The following TMEM50B variants were observed in gnomAD, a reference collection of about 807,000 sequenced individuals.
The protein encoded by TMEM50B is HCV p7-trans-regulated protein 3.
A neutral mutation model predicts 23.4 loss-of-function variants in TMEM50B; 14 were observed. The observed-to-expected ratio is 0.60, with a 90% CI of 0.39 to 0.93. TMEM50B has a LOEUF of 0.93. Ranked by LOEUF, TMEM50B falls within the 40% of genes least tolerant of loss-of-function variation. The pLI, the probability that TMEM50B is intolerant of heterozygous loss-of-function variation, is 0.00. For synonymous variants in TMEM50B, 64 were observed against 62.3 expected, an observed-to-expected ratio of 1.03 and a Z score of -0.13; for missense variants, 159 against 193.0, an observed-to-expected ratio of 0.82 and a Z score of 1.04.
chr21:33,468,656 G>C, intron 2 of TMEM50B, 131 bp downstream of exon 2: 1 of 675,298 alleles, frequency 1.5e-6, no homozygotes, highest in Non-Finnish European at 2.5e-6. Flanking sequence ...CTAGAACTCT[G>C]ATAATCATCT....
chr21:33,466,564 T>A (rs73195854), intron 3 of TMEM50B, among the ~76,000 whole-genome samples: 8 of 152,020 alleles, frequency 5.3e-5, no homozygotes, highest in Non-Finnish European at 1.0e-4. Context: ...ACTAAAAAAA[T>A]GCAGAAACGT....
intron 8 of TMEM50B, chr21:33,437,253 T>C (rs182759952): frequency 2.7e-6 from 1 of 377,320 alleles, no homozygotes; most frequent in East Asian, 5.8e-5. Flanking sequence ...GCAAAATGGA[T>C]ATGACACATC....
chr21:33,465,479 A>G (rs2243511), intron 3 of TMEM50B, 70 bp from the exon 4 acceptor site: 293,795 of 1,144,032 alleles, frequency 0.26, 40,542 homozygotes, highest in East Asian at 0.49. Flanking sequence ...TTTATATAAC[A>G]CTTAGACGGA....
At chr21:33,475,088 G>A (rs528257329) in intron 1 of TMEM50B, among the ~76,000 whole-genome samples, 13 of 151,398 alleles carry the variant, frequency 8.6e-5, no homozygotes, top group Admixed American at 4.0e-4. Flanking sequence ...CACCACGACC[G>A]GCTAATTTTT....
downstream of TMEM50B, among the ~76,000 whole-genome samples, chr21:33,446,249 T>A (rs1046384226): frequency 6.6e-6 from 1 of 151,198 alleles, no homozygotes. Flanking sequence ...TATTTTTTAT[T>A]TTTTTTTGAG....
At chr21:33,447,703 CACACACACACACACACATAT>C (rs1007817261), downstream of TMEM50B, among the ~76,000 whole-genome samples, 7 of 108,978 alleles carry the variant, frequency 6.4e-5, no homozygotes, top group South Asian at 3.3e-4. Context: ...CACACACACA[CACACACACACACACACATAT>C]ATATATATAC....
intron 5 of TMEM50B, chr21:33,456,223 A>G: frequency 2.4e-6 from 1 of 417,214 alleles, no homozygotes; most frequent in Non-Finnish European, 4.9e-6. Context: ...GGGCCTCACT[A>G]TATTGCCCAG....
intron 1 of TMEM50B, among the ~76,000 whole-genome samples, chr21:33,477,242 G>T (rs137907243): frequency 1.1e-4 from 16 of 152,152 alleles, no homozygotes; most frequent in African/African-American, 3.1e-4. Flanking sequence ...AGCCGTGAGG[G>T]AACCACTGCA....
chr21:33,454,102 C>CAA (rs35393378), intron 6 of TMEM50B, among the ~76,000 whole-genome samples: 11,174 of 99,830 alleles, frequency 0.11, 1,051 homozygotes, highest in East Asian at 0.25. Flanking sequence ...GAATCCAGCT[C>CAA]AAAAAAAAAA....
At chr21:33,447,232 C>A (rs1047643696), downstream of TMEM50B, 6 of 151,684 alleles carry the variant, frequency 4.0e-5, no homozygotes, top group Admixed American at 1.3e-4. Flanking sequence ...CTTTGACACA[C>A]ACACCTTTTC....
chr21:33,455,065 G>A (rs1455023144), intron 6 of TMEM50B, among the ~76,000 whole-genome samples: 2 of 152,066 alleles, frequency 1.3e-5, no homozygotes, highest in African/African-American at 2.4e-5. Context: ...GCAGTGAGCC[G>A]AGATTGTTCC....
intron 2 of TMEM50B, 145 bp from the exon 3 acceptor site, chr21:33,467,267 AG>A (rs2084273023): frequency 1.6e-6 from 1 of 634,148 alleles, no homozygotes. Flanking sequence ...TGGGAGGCCA[AG>A]GCAGGTGGAT....
At chr21:33,476,777 A>AC (rs1443127305) in intron 1 of TMEM50B, among the ~76,000 whole-genome samples, 3 of 151,676 alleles carry the variant, frequency 2.0e-5, no homozygotes, top group South Asian at 2.1e-4. Flanking sequence ...AAAAAAAAAA[A>AC]AACAACTTTA....
downstream of TMEM50B, among the ~76,000 whole-genome samples, chr21:33,447,535 A>T (rs1445737782): frequency 6.6e-6 from 1 of 152,174 alleles, no homozygotes; most frequent in Non-Finnish European, 1.5e-5. Context: ...TGTAGAGATC[A>T]TGAGTTCAAT....
intron 8 of TMEM50B, among the ~76,000 whole-genome samples, chr21:33,435,193 G>A (rs575604098): frequency 3.3e-5 from 5 of 152,120 alleles, no homozygotes; most frequent in Admixed American, 2.0e-4. Context: ...GAAATTAATC[G>A]CTGGGAAACA....
At chr21:33,438,235 G>T (rs1281466968) in intron 8 of TMEM50B, among the ~76,000 whole-genome samples, 1 of 152,162 alleles carries the variant, frequency 6.6e-6, no homozygotes, top group Admixed American at 6.5e-5. Context: ...AGGCTGCAGT[G>T]AGCAATGATT....
chr21:33,451,706 T>G (rs2123417265), intron 6 of TMEM50B, among the ~76,000 whole-genome samples: 1 of 152,214 alleles, frequency 6.6e-6, no homozygotes, highest in South Asian at 2.1e-4. Flanking sequence ...GGATGTGAAG[T>G]AGGAATCTGG....
chr21:33,436,407 G>A (rs2083951592), intron 8 of TMEM50B, among the ~76,000 whole-genome samples: 1 of 151,814 alleles, frequency 6.6e-6, no homozygotes, highest in Admixed American at 6.6e-5. Context: ...ACTTATATCT[G>A]AATAAAATAA....
At chr21:33,461,905 G>T (rs2084220265) in intron 4 of TMEM50B, among the ~76,000 whole-genome samples, 1 of 151,534 alleles carries the variant, frequency 6.6e-6, no homozygotes, top group Non-Finnish European at 1.5e-5. Context: ...AATTTCTCTT[G>T]TAAAGTAAGT....
Sources: gnomAD v4.1 joint callset for allele counts (sites outside exome capture counted in the v4.1 genomes callset) on GRCh38, gnomAD v4.1.1 for gene constraint, MANE v1.5 for transcripts, NCBI Gene and HGNC (gene_info 2026-07-23, HGNC 2026-07-21) for gene names.